CSRNP3: variants seen among roughly 807,000 people sequenced by gnomAD.
The protein encoded by CSRNP3 is cysteine/serine-rich nuclear protein 3.
A neutral mutation model predicts 48.0 loss-of-function variants in CSRNP3; 12 were observed. That is an observed-to-expected ratio of 0.25 (90% confidence interval 0.16 to 0.41). CSRNP3 has a LOEUF of 0.41. CSRNP3 is among the 10% of genes least tolerant of loss of function. The pLI is 1.00. For synonymous variants in CSRNP3, 263 were observed against 269.7 expected, an observed-to-expected ratio of 0.98 and a Z score of 0.24; for missense variants, 580 against 724.4, an observed-to-expected ratio of 0.80 and a Z score of 2.29.
chr2:165,607,905 A>G (rs1271079017), intron 4 of CSRNP3, among the ~76,000 whole-genome samples: 1 of 151,750 alleles, frequency 6.6e-6, no homozygotes, highest in Non-Finnish European at 1.5e-5. Context: ...GTGAGAATAG[A>G]TTGGGCTTCA....
chr2:165,480,782 TATATATATA>T (rs370558588), intron 1 of CSRNP3, among the ~76,000 whole-genome samples: 10,671 of 143,608 alleles, frequency 0.074, 451 homozygotes, highest in Middle Eastern at 0.22. Flanking sequence ...TTTTATATAT[TATATATATA>T]ATATATATAA....
chr2:165,600,515 C>T (rs1427767247), intron 4 of CSRNP3, among the ~76,000 whole-genome samples: 1 of 152,170 alleles, frequency 6.6e-6, no homozygotes, highest in Admixed American at 6.5e-5. Context: ...CCACACTGAC[C>T]TCCACAAGGA....
chr2:165,532,917 C>T (rs1302408304), intron 3 of CSRNP3, among the ~76,000 whole-genome samples: 1 of 152,054 alleles, frequency 6.6e-6, no homozygotes, highest in Non-Finnish European at 1.5e-5. Context: ...ACACCAATAA[C>T]AGACAAACAG....
intron 4 of CSRNP3, among the ~76,000 whole-genome samples, chr2:165,618,413 C>T (rs760301790): frequency 3.3e-5 from 5 of 152,270 alleles, no homozygotes; most frequent in South Asian, 2.1e-4. Flanking sequence ...TTCTTCTCTG[C>T]GAAGCATGTT....
intron 4 of CSRNP3, among the ~76,000 whole-genome samples, chr2:165,644,319 AGG>A (rs1686776368): frequency 6.6e-6 from 1 of 152,214 alleles, no homozygotes; most frequent in Non-Finnish European, 1.5e-5. Flanking sequence ...CCAGGAAAAC[AGG>A]TAAAGTGACT....
chr2:165,655,105 C>T (rs971162392), intron 4 of CSRNP3, among the ~76,000 whole-genome samples: 1 of 152,130 alleles, frequency 6.6e-6, no homozygotes, highest in African/African-American at 2.4e-5. Flanking sequence ...GCTTGAACCT[C>T]CTTGGAAGAA....
At chr2:165,480,924 A>T (rs562544479) in intron 1 of CSRNP3, among the ~76,000 whole-genome samples, 1 of 150,104 alleles carries the variant, frequency 6.7e-6, no homozygotes, top group African/African-American at 2.4e-5. Context: ...TGAGGCAGGA[A>T]GATTGCTTGA....
rs749081102 is a variant in CSRNP3, at chr2:165,678,750, A to G, written c.755A>G (p.Asn252Ser). 3 of 1,614,104 alleles carry G rather than the reference A, an allele frequency of 1.9e-6. No homozygotes were observed. Among genetic ancestry groups the G allele is most frequent in the Non-Finnish European group, 2.5e-6 (3 of 1,179,994 alleles). The change falls in exon 7 of 7, where the codon AAC (asparagine) becomes AGC (serine). Residue 252 changes from asparagine to serine, a missense_variant. Around this residue, in one of 4 missense-constraint regions of CSRNP3, gnomAD observed 66 missense variants for 137.6 expected, o/e 0.48. Transcript: ENST00000651982. ...GGCTGCACTAAAGAAGGATGTAGTA[A>G]CACAGCAGGTAGAATTGAATTTAAT... ...PCGCTKEGCS[N>S]TAGRIEFNPI...
chr2:165,544,532 G>T (rs1029131631), intron 3 of CSRNP3, among the ~76,000 whole-genome samples: 2 of 152,018 alleles, frequency 1.3e-5, no homozygotes, highest in Non-Finnish European at 2.9e-5. Flanking sequence ...CTGTAAAAGA[G>T]AAAAAATGTA....
intron 4 of CSRNP3, among the ~76,000 whole-genome samples, chr2:165,645,062 A>G (rs1686788501): frequency 6.6e-6 from 1 of 152,146 alleles, no homozygotes. Context: ...GGCCAGGCAC[A>G]GTGGCTCATA....
At chr2:165,570,251 C>G (rs976484606) in intron 3 of CSRNP3, among the ~76,000 whole-genome samples, 2 of 151,936 alleles carry the variant, frequency 1.3e-5, no homozygotes, top group Admixed American at 6.6e-5. Flanking sequence ...CTTTCTAGTT[C>G]TGATATCCAC....
chr2:165,578,888 C>T (rs1044628708), intron 3 of CSRNP3, among the ~76,000 whole-genome samples: 1 of 152,100 alleles, frequency 6.6e-6, no homozygotes, highest in Non-Finnish European at 1.5e-5. Context: ...TGTACTCTGA[C>T]ATTTACAAGC....
intron 3 of CSRNP3, chr2:165,566,674 C>CG (rs1301298859): frequency 6.6e-6 from 1 of 151,698 alleles, no homozygotes; most frequent in Non-Finnish European, 1.5e-5. Context: ...TTTGTGGAGA[C>CG]GGGCTCATTG....
chr2:165,666,121 GAA>G lies in CSRNP3; in HGVS notation c.408+8103_408+8104del, dbSNP rs761018815. On this transcript the variant is annotated intron_variant, in intron 5 of 6. Coordinates refer to ENST00000651982, the MANE Select transcript of CSRNP3 (RefSeq NM_001172173.2). The stretch of plus-strand genomic sequence containing the variant: ...AGAGAGGAAGAAAGAAAGAGAGAGA[GAA>G]AGGAAGGAAGGAAGGAAGGAAAGAG... Among the ~76,000 whole-genome samples the G allele has an allele frequency of 7.8e-4, 99 of 126,340 alleles. No homozygotes were observed. The Middle Eastern group carries it at 0.022, about 28-fold the overall frequency. The allele number at this position is 126,340 out of a possible 152,430, so 82.9% of individuals were successfully genotyped here.
At chr2:165,569,873 A>G (rs1290061823) in intron 3 of CSRNP3, among the ~76,000 whole-genome samples, 2 of 150,976 alleles carry the variant, frequency 1.3e-5, no homozygotes, top group East Asian at 3.9e-4. Context: ...GTTTAATTCT[A>G]TTTTTTCTGC....
chr2:165,599,713 A>T (rs1277611675), intron 4 of CSRNP3, among the ~76,000 whole-genome samples: 1 of 152,082 alleles, frequency 6.6e-6, no homozygotes, highest in Non-Finnish European at 1.5e-5. Context: ...GACATTTATT[A>T]TTTATTATGC....
In CSRNP3 at chr2:165,688,198, A is replaced by C. The variant is rs143404403; in HGVS notation, c.*8445A>C. On this transcript the variant is annotated 3_prime_UTR_variant, in exon 7 of 7. Transcript: ENST00000651982. ...TTCAAAAGTGTTTGATGTATAATAA[A>C]TGCTAGAAATTTACAGTACAGAAAT... is the stretch of plus-strand genomic sequence containing the variant. 39 of 152,250 alleles carry C rather than the reference A, an allele frequency of 2.6e-4. No individual in the cohort carries two copies. The highest frequency in any genetic ancestry group is 8.2e-4 in the African/African-American group (34 of 41,554). 9.4% of individuals were successfully genotyped at this position (152,250 alleles called of 1,614,324 possible).
At chr2:165,602,967 T>C (rs1391445481) in intron 4 of CSRNP3, among the ~76,000 whole-genome samples, 1 of 152,060 alleles carries the variant, frequency 6.6e-6, no homozygotes, top group Non-Finnish European at 1.5e-5. Context: ...CAATCTCGGC[T>C]CACTGCAGGC....
chr2:165,590,103 C>T (rs753932704), intron 3 of CSRNP3, among the ~76,000 whole-genome samples: 7 of 152,036 alleles, frequency 4.6e-5, no homozygotes, highest in African/African-American at 7.2e-5. Context: ...TTTTTCTCTT[C>T]GCCCTACTCA....
Sources: gnomAD v4.1 joint callset for allele counts (sites outside exome capture counted in the v4.1 genomes callset) on GRCh38, gnomAD v4.1.1 for gene constraint, gnomAD v4.1.1 regional missense constraint, MANE v1.5 for transcripts, NCBI Gene and HGNC (gene_info 2026-07-23, HGNC 2026-07-21) for gene names.